PAAF1: variants seen among roughly 807,000 people sequenced by gnomAD.
PAAF1 encodes proteasomal ATPase associated factor 1, also known as proteasomal ATPase-associated factor 1.
In PAAF1, 46 loss-of-function variants were observed where a neutral mutation model predicts 52.8. The observed-to-expected ratio is 0.87, with a 90% CI of 0.69 to 1.11. The LOEUF (loss-of-function observed/expected upper bound fraction) is 1.11. Among genes scored for constraint, PAAF1 ranks in the 50% most tolerant of loss-of-function variants. The pLI is 0.00. For missense variants in PAAF1, 424 were observed against 477.4 expected (o/e 0.89, Z 1.04); for synonymous variants, 178 against 172.8 (o/e 1.03, Z -0.24).
At chr11:73,880,326 A>G (rs545554354) in intron 2 of PAAF1, 3 of 152,186 alleles carry the variant, frequency 2.0e-5, no homozygotes, top group East Asian at 1.9e-4. Flanking sequence ...ACATATACAT[A>G]TGTATACTTA....
At chr11:73,923,560 G>A (rs1198799960) in intron 10 of PAAF1, among the ~76,000 whole-genome samples, 1 of 152,102 alleles carries the variant, frequency 6.6e-6, no homozygotes, top group Non-Finnish European at 1.5e-5. Context: ...TTTTGAGACA[G>A]AGTCTCACTC....
At chr11:73,923,617 C>T (rs1013235249) in intron 10 of PAAF1, among the ~76,000 whole-genome samples, 7 of 152,130 alleles carry the variant, frequency 4.6e-5, no homozygotes, top group African/African-American at 1.7e-4. Flanking sequence ...CTCACTGCAA[C>T]CTCTGCTTCC....
intron 11 of PAAF1, 140 bp from the exon 12 acceptor site, chr11:73,927,145 A>C (rs541714592): frequency 1.5e-6 from 1 of 667,010 alleles, no homozygotes; most frequent in African/African-American, 1.8e-5. Context: ...TTGTAAGCAC[A>C]TAATTATGGA....
chr11:73,878,024 T>C lies in PAAF1; in HGVS notation c.48-755T>C, dbSNP rs1019225585. On this transcript the variant is annotated intron_variant, in intron 1 of 11. Transcript: ENST00000310571. ...TAGCAGTGCTATATTTGGCAACTGC[T>C]ACTACTAATAAGGGTTTTTCAAATT... 5.9e-5 allele frequency among the ~76,000 whole-genome samples: 9 copies of C among 152,214 alleles called. No homozygotes were observed. The South Asian group carries it at 1.9e-3, about 32-fold the overall frequency.
At chr11:73,927,190 C>G (rs1287212834) in intron 11 of PAAF1, 95 bp from the exon 12 acceptor site, 1 of 913,138 alleles carries the variant, frequency 1.1e-6, no homozygotes, top group African/African-American at 1.6e-5. Context: ...CCTTCTCAGA[C>G]TCCATGGGAC....
At position 73,883,866 on chromosome 11, in the gene PAAF1, T is replaced by C. The variant is rs115730342; in HGVS notation, c.89-3488T>C. ...TTCGTTCCTTTTTGTGGCCCGGTAA[T>C]ACTCTGTTGTATGGATATACTACAT... On this transcript the variant is annotated intron_variant, in intron 2 of 11. Coordinates refer to ENST00000310571, the MANE Select transcript of PAAF1 (RefSeq NM_025155.3). Among the ~76,000 whole-genome samples, 818 of 152,286 alleles carry C rather than the reference T, an allele frequency of 5.4e-3. 8 individuals are homozygous for C. Among genetic ancestry groups the C allele is most frequent in the African/African-American group, 0.018 (739 of 41,568 alleles).
chr11:73,912,194 T>G (rs1949951971), intron 7 of PAAF1, among the ~76,000 whole-genome samples: 1 of 152,190 alleles, frequency 6.6e-6, no homozygotes, highest in Admixed American at 6.5e-5. Flanking sequence ...ATAACTACAG[T>G]TTCTTCCTTT....
chr11:73,926,054 T>A (rs563083080), intron 11 of PAAF1, among the ~76,000 whole-genome samples: 1 of 152,324 alleles, frequency 6.6e-6, no homozygotes, highest in South Asian at 2.1e-4. Flanking sequence ...TTTTTTTAAT[T>A]ACCATCTTAG....
At chr11:73,877,272 T>A in intron 1 of PAAF1, 2 of 426,544 alleles carry the variant, frequency 4.7e-6, no homozygotes, top group Non-Finnish European at 8.0e-6. Flanking sequence ...AGGGAGCACA[T>A]GAGCTGTGTG....
intron 2 of PAAF1, among the ~76,000 whole-genome samples, chr11:73,884,609 T>C (rs562453031): frequency 1.3e-5 from 2 of 152,264 alleles, no homozygotes; most frequent in East Asian, 3.9e-4. Context: ...GTAAACACAA[T>C]AGGGAATCAT....
chr11:73,926,662 T>G (rs2135242889), intron 11 of PAAF1, among the ~76,000 whole-genome samples: 1 of 152,278 alleles, frequency 6.6e-6, no homozygotes, highest in South Asian at 2.1e-4. Flanking sequence ...TGAGCCAAGA[T>G]GGCGTCACTG....
intron 4 of PAAF1, among the ~76,000 whole-genome samples, chr11:73,894,807 G>C (rs776553988): frequency 1.2e-4 from 18 of 152,100 alleles, no homozygotes; most frequent in Non-Finnish European, 2.1e-4. Context: ...CTGTGTTACT[G>C]AGCAAGACTC....
At chr11:73,888,949 C>T (rs1591052830) in intron 3 of PAAF1, 2 of 479,264 alleles carry the variant, frequency 4.2e-6, no homozygotes, top group East Asian at 6.2e-5. Context: ...GGTTCTTTTA[C>T]CATAACAATC....
At chr11:73,912,858 C>G (rs1252874940) in intron 7 of PAAF1, among the ~76,000 whole-genome samples, 1 of 152,174 alleles carries the variant, frequency 6.6e-6, no homozygotes, top group Non-Finnish European at 1.5e-5. Context: ...ACAGTAGACT[C>G]TCCCAGTCTC....
At chr11:73,902,371 G>A (rs941084350) in intron 6 of PAAF1, among the ~76,000 whole-genome samples, 1 of 152,190 alleles carries the variant, frequency 6.6e-6, no homozygotes, top group Admixed American at 6.5e-5. Context: ...GAGATTGAAG[G>A]AGTCAGAATG....
At chr11:73,911,429 C>G (rs554445090) in intron 7 of PAAF1, among the ~76,000 whole-genome samples, 1 of 152,148 alleles carries the variant, frequency 6.6e-6, no homozygotes, top group South Asian at 2.1e-4. Context: ...GTGATTCTCC[C>G]ATCTTAGCCT....
intron 5 of PAAF1, 75 bp downstream of exon 5, chr11:73,899,319 G>A (rs1949526222): frequency 9.6e-7 from 1 of 1,040,614 alleles, no homozygotes; most frequent in South Asian, 1.4e-5. Flanking sequence ...GGACATGGAA[G>A]GAAGAATGGC....
chr11:73,916,743 T>C, intron 9 of PAAF1, 83 bp downstream of exon 9: 1 of 834,876 alleles, frequency 1.2e-6, no homozygotes, highest in Non-Finnish European at 1.9e-6. Flanking sequence ...TAGCCTAGCA[T>C]ATAGATAACT....
chr11:73,880,205 G>A (rs1312114070), intron 2 of PAAF1: 1 of 151,826 alleles, frequency 6.6e-6, no homozygotes, highest in Non-Finnish European at 1.5e-5. Context: ...CCTGGACAAG[G>A]GTAGCCGTGA....
Sources: allele counts gnomAD v4.1 joint callset (sites outside exome capture counted in the v4.1 genomes callset), GRCh38; gene constraint gnomAD v4.1.1; transcripts MANE v1.5; gene names NCBI Gene and HGNC (gene_info 2026-07-23, HGNC 2026-07-21).